AGPAT4: variants seen among roughly 807,000 people sequenced by gnomAD.
AGPAT4 encodes 1-acylglycerol-3-phosphate O-acyltransferase 4.
Under a neutral mutation model 48.0 loss-of-function variants are expected in AGPAT4, and 15 were observed. The ratio of observed to expected loss-of-function variants is 0.31; its 90% CI spans 0.21 to 0.48. AGPAT4 has a LOEUF of 0.48. Ranked by LOEUF, AGPAT4 falls within the 20% of genes least tolerant of loss-of-function variation. The pLI, the probability that AGPAT4 is intolerant of heterozygous loss-of-function variation, is 0.99. For synonymous variants in AGPAT4, 178 were observed against 198.7 expected (o/e 0.90, Z 0.88); for missense variants, 314 against 482.5 (o/e 0.65, Z 3.27).
rs955022223 is a variant in AGPAT4, at chr6:161,219,498, C to T, written c.178+12538G>A. ...TCCACTGCACCATGAAGACCACACA[C>T]GATCGCCTTATAACCTTACAAGACA... On this transcript the variant is annotated intron_variant, in intron 2 of 8. Transcript: ENST00000320285. The surrounding 1 kb of genome is among the most constrained non-coding windows in gnomAD (Gnocchi z 4.9). Among the ~76,000 whole-genome samples the T allele has an allele frequency of 5.3e-5, 8 of 152,140 alleles. No homozygotes were observed. The highest frequency in any genetic ancestry group is 1.7e-4 in the African/African-American group (7 of 41,520).
Position 161,146,559 on chromosome 6 carries a change from A to G in AGPAT4, c.808T>C (p.Cys270Arg), listed in dbSNP as rs772424707. The G allele has an allele frequency of 1.2e-5, 19 of 1,614,024 alleles. No homozygotes were observed. The South Asian group carries it at 2.0e-4, about 17-fold the overall frequency. Residue 270 changes from cysteine to arginine, a missense_variant, in exon 7 of 9, where the codon TGC (cysteine) becomes CGC (arginine). Coordinates refer to ENST00000320285, the MANE Select transcript of AGPAT4 (RefSeq NM_020133.3). The surrounding 1 kb of genome is among the most constrained non-coding windows in gnomAD (Gnocchi z 7.1). ...TAGAGCTTGTGCAGCCAGGCCGAGCACTCGTCATCGTCTTCAGGGATGTCT... is the reference window on the plus strand; with the variant it reads ...TAGAGCTTGTGCAGCCAGGCCGAGCGCTCGTCATCGTCTTCAGGGATGTCT... Reference protein sequence around the residue: ...LEDIPEDDDECSAWLHKLYQE... With the variant: ...LEDIPEDDDERSAWLHKLYQE...
Position 161,166,071 on chromosome 6 carries a change from A to G in AGPAT4, c.348+177T>C, listed in dbSNP as rs1230675195. On this transcript the variant is annotated intron_variant, in intron 3 of 8. Coordinates refer to ENST00000320285, the MANE Select transcript of AGPAT4 (RefSeq NM_020133.3). This position sits in a 1 kb window ranked among gnomAD's most constrained non-coding sequence, Gnocchi z 6.7. ...TGAGTACCTCTTATGATTGCCCATAAGAAGCTGTTAAGACTGACTCCCAGC... is the reference window on the plus strand; with the variant it reads ...TGAGTACCTCTTATGATTGCCCATAGGAAGCTGTTAAGACTGACTCCCAGC... 1 of 784,240 alleles carries G rather than the reference A, an allele frequency of 1.3e-6. No homozygotes were observed. The highest frequency in any genetic ancestry group is 1.8e-5 in the South Asian group (1 of 54,328). 48.6% of individuals were successfully genotyped at this position (784,240 alleles called of 1,614,324 possible).
At chr6:161,186,736 G>A (rs984769502) in intron 2 of AGPAT4, among the ~76,000 whole-genome samples, 4 of 151,938 alleles carry the variant, frequency 2.6e-5, no homozygotes, top group Admixed American at 6.6e-5. Context: ...TCTCCCCACC[G>A]CACTTCCTGA....
chr6:161,161,564 C>T lies in AGPAT4; in HGVS notation c.348+4684G>A, dbSNP rs763715436. 1.1e-4 allele frequency: 51 copies of T among 449,942 alleles called. No individual in the cohort carries two copies. The highest frequency in any genetic ancestry group is 9.4e-4 in the African/African-American group (47 of 50,142). 27.9% of individuals were successfully genotyped at this position (449,942 alleles called of 1,614,324 possible). A position where few individuals can be genotyped will look rare whatever the true frequency, so the allele number is the denominator to read the frequency against. On this transcript the variant is annotated intron_variant, in intron 3 of 8. Coordinates refer to ENST00000320285, the MANE Select transcript of AGPAT4 (RefSeq NM_020133.3). The surrounding 1 kb of genome is among the most constrained non-coding windows in gnomAD (Gnocchi z 4.6). The stretch of plus-strand genomic sequence containing the variant: ...AGGCTCAGGTGATGCCAGCAGTGAG[C>T]AGGGTGCAAGACCACCCTACAGAGC...
rs57680325 is a variant in AGPAT4, at chr6:161,136,697, C to T, written c.1043-63G>A. ...AACAGACTACAGGGCCGTTTTCCCA[C>T]AGAGCAAGTGAGAAGGCCCGTGGCC... On this transcript the variant is annotated intron_variant, in intron 8 of 8. Coordinates refer to ENST00000320285, the MANE Select transcript of AGPAT4 (RefSeq NM_020133.3). 2,819 of 1,470,770 alleles carry T rather than the reference C, an allele frequency of 1.9e-3. 44 individuals are homozygous for T. In the African/African-American group the frequency reaches 0.033, roughly 17 times the overall value. 91.1% of individuals were successfully genotyped at this position (1,470,770 alleles called of 1,614,324 possible).
rs968826818 is a variant in AGPAT4, at chr6:161,272,745, C to G, written c.-90+1193G>C. On this transcript the variant is annotated intron_variant, in intron 1 of 8. Transcript: ENST00000320285. This position sits in a 1 kb window ranked among gnomAD's most constrained non-coding sequence, Gnocchi z 4.2. ...ACACACACACACAAACACACACATT[C>G]TCCCTTCTCTCAAGATACTTTTTTT... 2.0e-5 allele frequency among the ~76,000 whole-genome samples: 3 copies of G among 151,348 alleles called. No homozygotes were observed. The South Asian group carries it at 6.3e-4, about 32-fold the overall frequency.
intron 2 of AGPAT4, among the ~76,000 whole-genome samples, chr6:161,185,738 C>A (rs796577906): frequency 6.6e-6 from 1 of 152,164 alleles, no homozygotes; most frequent in African/African-American, 2.4e-5. Context: ...AGAGGCATCA[C>A]CCGAAACCTC....
rs1359150786 is a variant in AGPAT4, at chr6:161,144,127, G to A, written c.843+2397C>T. 2 of 533,210 alleles carry A rather than the reference G, an allele frequency of 3.8e-6. No individual in the cohort carries two copies. Among genetic ancestry groups the A allele is most frequent in the Non-Finnish European group, 7.7e-6 (2 of 259,920 alleles). 33.0% of individuals were successfully genotyped at this position (533,210 alleles called of 1,614,324 possible). On this transcript the variant is annotated intron_variant, in intron 7 of 8. Coordinates refer to ENST00000320285, the MANE Select transcript of AGPAT4 (RefSeq NM_020133.3). The surrounding 1 kb of genome is among the most constrained non-coding windows in gnomAD (Gnocchi z 6.6). ...ATACAGAAAGGAATTGTCCCTTGAT[G>A]TCTATTCACCACTCTGCTTGGAGAA...
At chr6:161,152,656 G>A (rs1265449989) in intron 5 of AGPAT4, among the ~76,000 whole-genome samples, 1 of 152,182 alleles carries the variant, frequency 6.6e-6, no homozygotes, top group Non-Finnish European at 1.5e-5. Context: ...ATGGGGCCGG[G>A]AGCCGCATTC....
At chr6:161,265,176 C>T (rs990323436) in intron 1 of AGPAT4, among the ~76,000 whole-genome samples, 3 of 132,002 alleles carry the variant, frequency 2.3e-5, no homozygotes, top group Middle Eastern at 3.5e-3. Flanking sequence ...TGATTAGTAC[C>T]CACCGCTGGA....
intron 2 of AGPAT4, among the ~76,000 whole-genome samples, chr6:161,230,491 A>G (rs1782095646): frequency 6.6e-6 from 1 of 152,254 alleles, no homozygotes. Context: ...TTAAAATTAT[A>G]AACATCTTTT....
In AGPAT4 at chr6:161,198,761, T is replaced by C. The variant is rs987999410; in HGVS notation, c.179-32344A>G. ...CACTATATGCAGTCTGTTTTTTCCT[T>C]TACACTGACGGAGTGCGTGAATGTT... On this transcript the variant is annotated intron_variant, in intron 2 of 8. Transcript: ENST00000320285. The surrounding 1 kb of genome is among the most constrained non-coding windows in gnomAD (Gnocchi z 4.3). Among the ~76,000 whole-genome samples, 2 of 152,150 alleles carry C rather than the reference T, an allele frequency of 1.3e-5. No individual in the cohort carries two copies. The highest frequency in any genetic ancestry group is 4.8e-5 in the African/African-American group (2 of 41,444).
In AGPAT4 at chr6:161,214,745, G is replaced by T. The variant is rs1045541448; in HGVS notation, c.178+17291C>A. ...GATCGTGCCACTGCACTCTAGCCTG[G>T]GTGACAGAGGAAGACTCCGTCTCAA... is the stretch of plus-strand genomic sequence containing the variant. On this transcript the variant is annotated intron_variant, in intron 2 of 8. Transcript: ENST00000320285. This position sits in a 1 kb window ranked among gnomAD's most constrained non-coding sequence, Gnocchi z 5.4. Among the ~76,000 whole-genome samples, 1 of 152,024 alleles carries T rather than the reference G, an allele frequency of 6.6e-6. No homozygotes were observed. Among genetic ancestry groups the T allele is most frequent in the Non-Finnish European group, 1.5e-5 (1 of 68,016 alleles).
rs1780257968 is a variant in AGPAT4, at chr6:161,171,168, A to G, written c.179-4751T>C. Among the ~76,000 whole-genome samples the G allele has an allele frequency of 6.6e-6, 1 of 152,230 alleles. No homozygotes were observed. The highest frequency in any genetic ancestry group is 6.5e-5 in the Admixed American group (1 of 15,280). On this transcript the variant is annotated intron_variant, in intron 2 of 8. Transcript: ENST00000320285. The surrounding 1 kb of genome is among the most constrained non-coding windows in gnomAD (Gnocchi z 4.4). ...GGGAAAATCACCTGTTGAGAGTTTC[A>G]GGTTGCAATCCTGTAACTAGCGTTA...
intron 1 of AGPAT4, among the ~76,000 whole-genome samples, chr6:161,237,282 A>C (rs1458223243): frequency 6.6e-6 from 1 of 152,262 alleles, no homozygotes; most frequent in Admixed American, 6.5e-5. Flanking sequence ...ATCATTTGGC[A>C]AAGTCTCTGG....
In AGPAT4 at chr6:161,242,500, G is replaced by A. The variant is rs965654856; in HGVS notation, c.-89-10198C>T. Among the ~76,000 whole-genome samples the A allele has an allele frequency of 2.6e-5, 4 of 152,098 alleles. No homozygotes were observed. The highest frequency in any genetic ancestry group is 9.7e-5 in the African/African-American group (4 of 41,414). ...ACATCCTCCAAACCCCATCCAGCTC[G>A]CCCGCAGCCTCATGGGGCTGGAGGG... On this transcript the variant is annotated intron_variant, in intron 1 of 8. Transcript: ENST00000320285. This position sits in a 1 kb window ranked among gnomAD's most constrained non-coding sequence, Gnocchi z 5.0.
rs1779458832 is a variant in AGPAT4, at chr6:161,147,285, G to T, written c.768-686C>A. ...TGGGGACTGGTGCTGGCAAGGGCTT[G>T]CCACTCGATCATTTGCAAAGAGCCC... On this transcript the variant is annotated intron_variant, in intron 6 of 8. Coordinates refer to ENST00000320285, the MANE Select transcript of AGPAT4 (RefSeq NM_020133.3). The surrounding 1 kb of genome is among the most constrained non-coding windows in gnomAD (Gnocchi z 4.8). Among the ~76,000 whole-genome samples, 1 of 152,146 alleles carries T rather than the reference G, an allele frequency of 6.6e-6. No individual in the cohort carries two copies. Among genetic ancestry groups the T allele is most frequent in the Non-Finnish European group, 1.5e-5 (1 of 68,030 alleles).
At chr6:161,224,972 G>A (rs142278437) in intron 2 of AGPAT4, among the ~76,000 whole-genome samples, 244 of 152,252 alleles carry the variant, frequency 1.6e-3, no homozygotes, top group African/African-American at 5.6e-3. Context: ...AAAGCAACCT[G>A]TTTCGATTAC....
intron 2 of AGPAT4, among the ~76,000 whole-genome samples, chr6:161,205,823 T>C (rs1480203753): frequency 6.6e-6 from 1 of 152,146 alleles, no homozygotes; most frequent in Admixed American, 6.5e-5. Context: ...CAGAGTTGTT[T>C]CTTTTAAAAC....
Sources: gnomAD v4.1 joint callset for allele counts (sites outside exome capture counted in the v4.1 genomes callset) on GRCh38, gnomAD v4.1.1 for gene constraint, Gnocchi (gnomAD v3.1) non-coding constraint, MANE v1.5 for transcripts, NCBI Gene and HGNC (gene_info 2026-07-23, HGNC 2026-07-21) for gene names.